The following PRKCB variants were observed in gnomAD, a reference collection of about 807,000 sequenced individuals.
The protein encoded by PRKCB is protein kinase C beta type.
In PRKCB, 13 loss-of-function variants were observed where a neutral mutation model predicts 81.5. The ratio of observed to expected loss-of-function variants is 0.16; its 90% CI spans 0.10 to 0.25. PRKCB has a LOEUF of 0.25. Among genes scored for constraint, PRKCB ranks in the 10% least tolerant of loss-of-function variants. The pLI, the probability that PRKCB is intolerant of heterozygous loss-of-function variation, is 1.00. For missense variants in PRKCB, 509 were observed against 875.7 expected (o/e 0.58, Z 5.29); for synonymous variants, 335 against 321.4 (o/e 1.04, Z -0.45).
chr16:23,961,313 ATGTAAGTTAT>A (rs1269140319), intron 2 of PRKCB, among the ~76,000 whole-genome samples: 1 of 152,198 alleles, frequency 6.6e-6, no homozygotes, highest in Non-Finnish European at 1.5e-5. Context: ...GTATAACAAA[ATGTAAGTTAT>A]TGGATCACAT....
At chr16:23,849,516 G>A (rs12443784) in intron 2 of PRKCB, among the ~76,000 whole-genome samples, 27,682 of 152,118 alleles carry the variant, frequency 0.18, 2,777 homozygotes, top group East Asian at 0.33. Context: ...ATGTGTATGT[G>A]TGGATTTTTT....
At chr16:24,064,874 C>T (rs1245410651) in intron 5 of PRKCB, among the ~76,000 whole-genome samples, 1 of 150,514 alleles carries the variant, frequency 6.6e-6, no homozygotes, top group Non-Finnish European at 1.5e-5. Flanking sequence ...TGTAAATATA[C>T]CAGTTTTCTT....
rs147502641 is a variant in PRKCB, at chr16:24,198,450, G to GA, written c.1863+7222dup. On this transcript the variant is annotated intron_variant, in intron 16 of 16. Coordinates refer to ENST00000643927, the MANE Select transcript of PRKCB (RefSeq NM_002738.7). ...GGTAGCAGCATAGAAGCAGTGAGGTGAAGAGGAAGAGAAAGCTAAGTAGGC... is the reference window on the plus strand; with the variant it reads ...GGTAGCAGCATAGAAGCAGTGAGGTGAAAGAGGAAGAGAAAGCTAAGTAGGC... 8.9e-3 allele frequency among the ~76,000 whole-genome samples: 1,352 copies of GA among 152,320 alleles called. 25 individuals carry two copies. Among genetic ancestry groups the GA allele is most frequent in the African/African-American group, 0.031 (1,290 of 41,564 alleles).
chr16:23,867,261 G>T (rs148968727), intron 2 of PRKCB, among the ~76,000 whole-genome samples: 99 of 152,198 alleles, frequency 6.5e-4, no homozygotes, highest in African/African-American at 2.1e-3. Context: ...TAGTAGCTGG[G>T]ATTACTGCCA....
At chr16:23,881,424 G>A (rs1185483462) in intron 2 of PRKCB, among the ~76,000 whole-genome samples, 1 of 151,952 alleles carries the variant, frequency 6.6e-6, no homozygotes, top group Non-Finnish European at 1.5e-5. Flanking sequence ...AGCTAATTTT[G>A]TATTTTTAGG....
intron 2 of PRKCB, among the ~76,000 whole-genome samples, chr16:23,904,624 C>T (rs1371744886): frequency 2.0e-5 from 3 of 152,166 alleles, no homozygotes; most frequent in Non-Finnish European, 4.4e-5. Flanking sequence ...GATCGCACTA[C>T]TGCACTCCAG....
chr16:23,949,779 T>G (rs771559012), intron 2 of PRKCB, among the ~76,000 whole-genome samples: 1 of 152,172 alleles, frequency 6.6e-6, no homozygotes, highest in Non-Finnish European at 1.5e-5. Context: ...TTCCACCCAG[T>G]ACTAGGAAGA....
At position 24,191,485 on chromosome 16, in the gene PRKCB, T is replaced by C. The variant is rs543349622; in HGVS notation, c.1863+255T>C. The C allele has an allele frequency of 1.1e-4, 39 of 363,290 alleles. 1 individual carries two copies. The South Asian group carries it at 2.2e-3, about 20-fold the overall frequency. 22.5% of individuals were successfully genotyped at this position (363,290 alleles called of 1,614,324 possible). A position where few individuals can be genotyped will look rare whatever the true frequency, so the allele number is the denominator to read the frequency against. ...GTTTCTTCGATTCAATTATTGTAAC[T>C]GTCTTAGCTGACAACTTTCTGAGAA... On this transcript the variant is annotated intron_variant, in intron 16 of 16. Coordinates refer to ENST00000643927, the MANE Select transcript of PRKCB (RefSeq NM_002738.7).
intron 2 of PRKCB, among the ~76,000 whole-genome samples, chr16:23,920,295 T>C (rs558969809): frequency 6.6e-5 from 10 of 152,234 alleles, no homozygotes; most frequent in Non-Finnish European, 1.3e-4. Flanking sequence ...ATGTGTCTTC[T>C]TTGGAGAAAT....
intron 2 of PRKCB, among the ~76,000 whole-genome samples, chr16:23,920,763 C>A (rs1287264929): frequency 6.6e-6 from 1 of 152,180 alleles, no homozygotes; most frequent in Non-Finnish European, 1.5e-5. Context: ...AAGAGTCCTG[C>A]AGAAATTGGT....
intron 5 of PRKCB, among the ~76,000 whole-genome samples, chr16:24,056,128 CT>C (rs1417319973): frequency 6.6e-6 from 1 of 152,224 alleles, no homozygotes; most frequent in Admixed American, 6.5e-5. Flanking sequence ...GATGGGTGTG[CT>C]TTCTTTCAGC....
At chr16:23,979,238 C>A (rs1349358132) in intron 2 of PRKCB, among the ~76,000 whole-genome samples, 1 of 152,174 alleles carries the variant, frequency 6.6e-6, no homozygotes, top group African/African-American at 2.4e-5. Flanking sequence ...CACAGCTAAT[C>A]AACAGTGGCA....
intron 2 of PRKCB, among the ~76,000 whole-genome samples, chr16:23,931,081 A>C (rs918782868): frequency 1.3e-5 from 2 of 152,232 alleles, no homozygotes; most frequent in African/African-American, 4.8e-5. Context: ...GAAGTCTTTA[A>C]TTTCTGAAAA....
intron 2 of PRKCB, among the ~76,000 whole-genome samples, chr16:23,979,534 T>G (rs1315663068): frequency 6.6e-6 from 1 of 151,924 alleles, no homozygotes; most frequent in African/African-American, 2.4e-5. Context: ...TCCATGCCTG[T>G]GGGGGAAATC....
chr16:24,209,805 G>GA (rs1449674767), intron 16 of PRKCB, among the ~76,000 whole-genome samples: 1 of 151,908 alleles, frequency 6.6e-6, no homozygotes, highest in African/African-American at 2.4e-5. Flanking sequence ...CAGTGATCCT[G>GA]TTTAAATGTA....
At chr16:24,204,674 A>T (rs546342611) in intron 16 of PRKCB, among the ~76,000 whole-genome samples, 1 of 152,308 alleles carries the variant, frequency 6.6e-6, no homozygotes, top group African/African-American at 2.4e-5. Context: ...TTTAAAAAGC[A>T]AGCAAAAGAA....
chr16:24,108,959 G>T (rs1294214617), intron 7 of PRKCB, among the ~76,000 whole-genome samples: 7 of 147,276 alleles, frequency 4.8e-5, no homozygotes, highest in Admixed American at 4.0e-4. Flanking sequence ...CTTCCCGGAT[G>T]GGGGGGCTGG....
chr16:23,900,382 A>G (rs1474695078), intron 2 of PRKCB, among the ~76,000 whole-genome samples: 15 of 152,130 alleles, frequency 9.9e-5, no homozygotes, highest in Admixed American at 9.8e-4. Flanking sequence ...TTTCCTAGGT[A>G]TTTTTACCTC....
chr16:24,175,948 C>T (rs968368556), intron 12 of PRKCB, among the ~76,000 whole-genome samples: 3 of 135,246 alleles, frequency 2.2e-5, no homozygotes, highest in South Asian at 2.4e-4. Context: ...TTCCAGCCTG[C>T]GTGACACAGC....
Sources: gnomAD v4.1 joint callset for allele counts (sites outside exome capture counted in the v4.1 genomes callset) on GRCh38, gnomAD v4.1.1 for gene constraint, MANE v1.5 for transcripts, NCBI Gene and HGNC (gene_info 2026-07-23, HGNC 2026-07-21) for gene names.